CECR2: variants seen among roughly 807,000 people sequenced by gnomAD.
The protein encoded by CECR2 is chromatin remodeling regulator CECR2.
CECR2 carries 30 observed loss-of-function variants against 154.5 expected under a neutral mutation model. The ratio of observed to expected loss-of-function variants is 0.19; its 90% CI spans 0.15 to 0.26. The LOEUF (loss-of-function observed/expected upper bound fraction) is 0.26, where lower values mean the gene tolerates loss of function less well. Ranked by LOEUF, CECR2 falls within the 10% of genes least tolerant of loss-of-function variation. The probability of loss-of-function intolerance (pLI) is 1.00; values close to 1 mark genes in which losing one functional copy is unlikely to be tolerated. For synonymous variants in CECR2, 725 were observed against 683.7 expected (o/e 1.06, Z -0.94); for missense variants, 1,743 against 1,829.3 (o/e 0.95, Z 0.86).
At chr22:17,514,643 A>G (rs1287311199) in intron 8 of CECR2, among the ~76,000 whole-genome samples, 1 of 152,188 alleles carries the variant, frequency 6.6e-6, no homozygotes, top group Non-Finnish European at 1.5e-5. Context: ...TAGTTAAAAC[A>G]CTACAAAAAG....
intron 1 of CECR2, chr22:17,424,735 T>G (rs537380969): frequency 1.3e-5 from 2 of 154,774 alleles, no homozygotes; most frequent in Non-Finnish European, 2.9e-5. Context: ...GGAGGATTGG[T>G]GTCCCTCTCT....
intron 7 of CECR2, among the ~76,000 whole-genome samples, chr22:17,510,840 C>G (rs190750769): frequency 6.6e-6 from 1 of 152,084 alleles, no homozygotes; most frequent in Non-Finnish European, 1.5e-5. Context: ...CTCCTGACTT[C>G]GTGATCCGCT....
chr22:17,465,016 A>G lies in CECR2; in HGVS notation c.127-12572A>G, dbSNP rs531707208. On this transcript the variant is annotated intron_variant, in intron 1 of 18. Coordinates refer to ENST00000262608, the MANE Select transcript of CECR2 (RefSeq NM_001290047.2). The stretch of plus-strand genomic sequence containing the variant: ...ATTTAAATTTTTTTTTTTTTTTTTG[A>G]GACGAAGTCTCGCTTTGTCGCCCAG... Among the ~76,000 whole-genome samples the G allele has an allele frequency of 4.6e-4, 35 of 76,110 alleles. No individual in the cohort carries two copies. In the East Asian group the frequency reaches 0.017, roughly 36 times the overall value. The allele number at this position is 76,110 out of a possible 152,430, so 49.9% of individuals were successfully genotyped here.
chr22:17,439,471 A>G (rs775143748), intron 1 of CECR2, among the ~76,000 whole-genome samples: 3 of 152,180 alleles, frequency 2.0e-5, no homozygotes, highest in East Asian at 3.8e-4. Flanking sequence ...ATAATATACA[A>G]ACAGCCCAGT....
At chr22:17,368,532 G>A (rs907528905), upstream of CECR2, among the ~76,000 whole-genome samples, 2 of 152,078 alleles carry the variant, frequency 1.3e-5, no homozygotes, top group Non-Finnish European at 2.9e-5. Flanking sequence ...ACTCCACCGC[G>A]CTACAGCAGT....
intron 1 of CECR2, among the ~76,000 whole-genome samples, chr22:17,433,435 T>C (rs2054456865): frequency 6.6e-6 from 1 of 152,152 alleles, no homozygotes; most frequent in African/African-American, 2.4e-5. Context: ...TGTCATCACA[T>C]TGTTTTTGTC....
At chr22:17,455,297 C>G (rs2054835907) in intron 1 of CECR2, among the ~76,000 whole-genome samples, 1 of 152,170 alleles carries the variant, frequency 6.6e-6, no homozygotes, top group African/African-American at 2.4e-5. Flanking sequence ...AATGTTAGCA[C>G]AAGTGTTTGA....
At chr22:17,482,738 T>C (rs2055348761) in intron 2 of CECR2, among the ~76,000 whole-genome samples, 1 of 149,064 alleles carries the variant, frequency 6.7e-6, no homozygotes, top group African/African-American at 2.5e-5. Context: ...TTTCATCATG[T>C]TGGCCATGAT....
At chr22:17,442,915 A>C (rs5747142) in intron 1 of CECR2, among the ~76,000 whole-genome samples, 2 of 152,048 alleles carry the variant, frequency 1.3e-5, no homozygotes, top group South Asian at 2.1e-4. Context: ...TCATGACTGA[A>C]TGAGTCATAG....
chr22:17,382,474 G>A (rs1303396401), intron 1 of CECR2, among the ~76,000 whole-genome samples: 1 of 152,122 alleles, frequency 6.6e-6, no homozygotes, highest in African/African-American at 2.4e-5. Context: ...TTGCCATAAG[G>A]TGAATATTGC....
At chr22:17,518,819 C>T (rs923022656) in intron 8 of CECR2, 2 of 303,030 alleles carry the variant, frequency 6.6e-6, no homozygotes, top group Non-Finnish European at 1.3e-5. Flanking sequence ...TTGGATAGAT[C>T]TCCTAAGGCT....
intron 2 of CECR2, among the ~76,000 whole-genome samples, chr22:17,487,795 A>G (rs2055449545): frequency 1.3e-5 from 2 of 152,182 alleles, no homozygotes; most frequent in African/African-American, 4.8e-5. Flanking sequence ...GTGCTTCAGT[A>G]TGGTCTTCAC....
At chr22:17,541,772 C>A in intron 14 of CECR2, 67 bp from the exon 15 acceptor site, 3 of 1,529,392 alleles carry the variant, frequency 2.0e-6, no homozygotes, top group Admixed American at 2.1e-5. Context: ...TCAGGAAAAC[C>A]CTTGTTGTCA....
chr22:17,402,803 GC>G (rs2053917242), intron 1 of CECR2, among the ~76,000 whole-genome samples: 1 of 140,934 alleles, frequency 7.1e-6, no homozygotes, highest in Non-Finnish European at 1.5e-5. Flanking sequence ...TGTTGCCCAG[GC>G]TGGAGTGCAG....
chr22:17,405,104 T>C (rs1462955089), intron 1 of CECR2, among the ~76,000 whole-genome samples: 2 of 152,172 alleles, frequency 1.3e-5, no homozygotes, highest in Non-Finnish European at 2.9e-5. Context: ...TTTTTGATGC[T>C]ATTATACATT....
intron 7 of CECR2, among the ~76,000 whole-genome samples, chr22:17,507,336 A>G (rs1480320339): frequency 6.6e-6 from 1 of 152,214 alleles, no homozygotes; most frequent in East Asian, 1.9e-4. Context: ...CATGTACGAT[A>G]ATTGCATTCT....
In CECR2 at chr22:17,541,852, C is replaced by T. The variant is rs1409670784; in HGVS notation, c.1898C>T (p.Pro633Leu). The T allele has an allele frequency of 6.2e-7, 1 of 1,613,682 alleles. No homozygotes were observed. Among genetic ancestry groups the T allele is most frequent in the South Asian group, 1.1e-5 (1 of 91,020 alleles). The change falls in exon 15 of 19, where the codon CCA (proline) becomes CTA (leucine). Residue 633 changes from proline (P) to leucine (L), a missense_variant. Around this residue, in one of 4 missense-constraint regions of CECR2, gnomAD observed 1,250 missense variants for 1,192.1 expected, o/e 1.05. Transcript: ENST00000262608. ...PFLNQMRPAV[P>L]GTFGPLRGSD... is the part of the protein sequence containing the mutation. ...AATGTGCTGCAGAGGCCAGCAGTAC[C>T]AGGAACATTTGGCCCTCTGCGAGGA...
At chr22:17,543,282 G>A (rs1273900564) in intron 16 of CECR2, among the ~76,000 whole-genome samples, 1 of 151,964 alleles carries the variant, frequency 6.6e-6, no homozygotes, top group Non-Finnish European at 1.5e-5. Flanking sequence ...ACAGGCACCC[G>A]CCACCACGCC....
At chr22:17,421,608 C>CA (rs2054251250) in intron 1 of CECR2, among the ~76,000 whole-genome samples, 1 of 72,328 alleles carries the variant, frequency 1.4e-5, no homozygotes, top group Non-Finnish European at 2.3e-5. Context: ...GAGCGAGACT[C>CA]CGTCTCAAAA....
Sources: gnomAD v4.1 joint callset for allele counts (sites outside exome capture counted in the v4.1 genomes callset) on GRCh38, gnomAD v4.1.1 for gene constraint, gnomAD v4.1.1 regional missense constraint, MANE v1.5 for transcripts, NCBI Gene and HGNC (gene_info 2026-07-23, HGNC 2026-07-21) for gene names.